Variants in BOP1 observed in about 807,000 individuals in gnomAD.
BOP1 encodes the protein BOP1 ribosomal biogenesis factor, also known as ribosome biogenesis protein BOP1.
BOP1 carries 54 observed loss-of-function variants against 82.9 expected under a neutral mutation model. The observed-to-expected ratio is 0.65, with a 90% CI of 0.52 to 0.82. BOP1 has a LOEUF of 0.82. BOP1 is among the 40% of genes least tolerant of loss of function. The pLI, the probability that BOP1 is intolerant of heterozygous loss-of-function variation, is 0.00. For synonymous variants in BOP1, 566 were observed against 451.1 expected, an observed-to-expected ratio of 1.25 and a Z score of -3.23; for missense variants, 1,170 against 1,072.0, an observed-to-expected ratio of 1.09 and a Z score of -1.28.
chr8:144,273,858 G>T (rs1302860602), intron 3 of BOP1, among the ~76,000 whole-genome samples: 1 of 151,982 alleles, frequency 6.6e-6, no homozygotes, highest in Non-Finnish European at 1.5e-5. Context: ...GGCTCCGCCC[G>T]CCTCCCTCCG....
At position 144,262,313 on chromosome 8, in the gene BOP1, G is replaced by T; in HGVS notation, c.2092C>A (p.Leu698Ile). 6.2e-7 allele frequency: 1 copy of T among 1,612,892 alleles called. No individual in the cohort carries two copies. The highest frequency in any genetic ancestry group is 8.5e-7 in the Non-Finnish European group (1 of 1,179,834). ...GGCACCAGCAAGGGGTTCTGCAGAAGGTCACTGTGGGGACGAGGAGGGCTC... is the reference window on the plus strand; with the variant it reads ...GGCACCAGCAAGGGGTTCTGCAGAATGTCACTGTGGGGACGAGGAGGGCTC... ...IVCHGMVYND[L>I]LQNPLLVPVK... Residue 698 changes from leucine (L) to isoleucine (I), a missense_variant, in exon 16 of 16, where the codon CTT (leucine) becomes ATT (isoleucine). Physicochemically the swap from Leu to Ile is conservative, Grantham distance 5 (BLOSUM62 2). Coordinates refer to ENST00000569669, the MANE Select transcript of BOP1 (RefSeq NM_015201.5).
chr8:144,264,625 G>A lies in BOP1; in HGVS notation c.664-9C>T. On this transcript the variant is annotated splice_polypyrimidine_tract_variant and intron_variant, in intron 5 of 15. Coordinates refer to ENST00000569669, the MANE Select transcript of BOP1 (RefSeq NM_015201.5). ...AAGAAGTCGACAGCCGGCTGGGGGA[G>A]AAGATGTGGGCGTGTGGGCCAGAGT... 1 of 1,587,758 alleles carries A rather than the reference G, an allele frequency of 6.3e-7. No individual in the cohort carries two copies.
Position 144,291,051 on chromosome 8 carries a change from C to A in BOP1, c.99+221G>T, listed in dbSNP as rs554054506. On this transcript the variant is annotated intron_variant, in intron 1 of 15. Coordinates refer to ENST00000569669, the MANE Select transcript of BOP1 (RefSeq NM_015201.5). This position sits in a 1 kb window ranked among gnomAD's most constrained non-coding sequence, Gnocchi z 4.1. Reference sequence around the variant, plus strand: ...TGCTGCAAGGGGCGCCCCGTCCCCACTCCCCGCTCCCCCGTTTCTTTGCTT... The same window carrying A: ...TGCTGCAAGGGGCGCCCCGTCCCCAATCCCCGCTCCCCCGTTTCTTTGCTT... Among the ~76,000 whole-genome samples, 1,414 of 152,198 alleles carry A rather than the reference C, an allele frequency of 9.3e-3. 29 individuals are homozygous for A. Among genetic ancestry groups the A allele is most frequent in the African/African-American group, 0.033 (1,359 of 41,506 alleles).
chr8:144,277,905 AT>A (rs200503938), intron 2 of BOP1, among the ~76,000 whole-genome samples: 2 of 92,296 alleles, frequency 2.2e-5, no homozygotes, highest in Non-Finnish European at 5.5e-5. Flanking sequence ...CATTGAACGT[AT>A]TTTTTTTAAC....
Position 144,264,316 on chromosome 8 carries a change from T to C in BOP1, c.887A>G (p.His296Arg), listed in dbSNP as rs1845306057. Reference sequence around the variant, plus strand: ...CTTGGGAGCAGGTACGTGCATCTTGTGGCGCCCGAGCACGGCGTTGGGGTC... The same window carrying C: ...CTTGGGAGCAGGTACGTGCATCTTGCGGCGCCCGAGCACGGCGTTGGGGTC... Reference protein sequence around the residue: ...QEDPNAVLGRHKMHVPAPKLA... With the variant: ...QEDPNAVLGRRKMHVPAPKLA... Residue 296 changes from histidine to arginine, a missense_variant, in exon 7 of 16, where the codon CAC becomes CGC. Transcript: ENST00000569669. The C allele has an allele frequency of 1.2e-6, 2 of 1,610,368 alleles. No homozygotes were observed. The highest frequency in any genetic ancestry group is 2.7e-5 in the African/African-American group (2 of 74,830).
Position 144,264,735 on chromosome 8 carries a change from A to G in BOP1, c.642T>C (p.Asp214=). The G allele has an allele frequency of 2.5e-6, 4 of 1,582,798 alleles. No individual in the cohort carries two copies. The highest frequency in any genetic ancestry group is 2.6e-6 in the Non-Finnish European group (3 of 1,165,416). The part of the protein sequence containing the change: ...VRRLQSGQFG[D]VGFNPYEPAV... ...CTACCTCATAGGGGTTGAAGCCCAC[A>G]TCCCCAAACTGGCCACTCTGCAGCC... is the stretch of plus-strand genomic sequence containing the variant. Residue 214 remains aspartate, a synonymous_variant, in exon 5 of 16, where the codon GAT becomes GAC. Transcript: ENST00000569669.
At chr8:144,269,252 G>T (rs1417724277) in intron 3 of BOP1, among the ~76,000 whole-genome samples, 1 of 152,254 alleles carries the variant, frequency 6.6e-6, no homozygotes, top group Non-Finnish European at 1.5e-5. Context: ...GAGAGAAGAA[G>T]GGCGGTGCTG....
Position 144,291,337 on chromosome 8 carries a change from C to G in BOP1, c.34G>C (p.Ala12Pro), listed in dbSNP as rs1228160416. 1.2e-5 allele frequency: 17 copies of G among 1,409,982 alleles called. No individual in the cohort carries two copies. Among genetic ancestry groups the G allele is most frequent in the Non-Finnish European group, 1.5e-5 (16 of 1,078,254 alleles). 87.3% of individuals were successfully genotyped at this position (1,409,982 alleles called of 1,614,324 possible). ...CGCTTCTCCGGCCGCACGCTCGGCG[C>G]CGCCGTGCGCCCCGCACCCCGCGAA... The part of the protein sequence containing the change: ...AGSRGAGRTA[A>P]PSVRPEKRRS... The change falls in exon 1 of 16, where the codon GCG becomes CCG. Residue 12 changes from alanine (A) to proline (P), a missense_variant. Ala to Pro is a conservative substitution (Grantham distance 27). Transcript: ENST00000569669. The surrounding 1 kb of genome is among the most constrained non-coding windows in gnomAD (Gnocchi z 4.1).
intron 3 of BOP1, among the ~76,000 whole-genome samples, chr8:144,275,692 G>C (rs931254842): frequency 3.3e-5 from 5 of 152,128 alleles, no homozygotes; most frequent in African/African-American, 9.7e-5. Flanking sequence ...CACCAGGGGT[G>C]GGGGGCAGGG....
In BOP1 at chr8:144,282,908, G is replaced by C. The variant is rs550957019; in HGVS notation, c.309+6187C>G. On this transcript the variant is annotated intron_variant, in intron 2 of 15. Transcript: ENST00000569669. ...CTCGTTGTTGAAAGGCACTATGGTG[G>C]CCAGGTGCGGTGGCTCACGCCTGTA... Among the ~76,000 whole-genome samples the C allele has an allele frequency of 5.3e-5, 8 of 152,154 alleles. No homozygotes were observed. In the South Asian group the frequency reaches 1.7e-3, roughly 32 times the overall value.
At chr8:144,274,308 T>C (rs1201804439) in intron 3 of BOP1, among the ~76,000 whole-genome samples, 2 of 152,134 alleles carry the variant, frequency 1.3e-5, no homozygotes, top group Non-Finnish European at 2.9e-5. Context: ...AGGAGGACCA[T>C]GGTCCTGGTG....
At position 144,291,329 on chromosome 8, in the gene BOP1, G is replaced by C; in HGVS notation, c.42C>G (p.Ser14Arg). 1 of 1,426,096 alleles carries C rather than the reference G, an allele frequency of 7.0e-7. No homozygotes were observed. The allele number at this position is 1,426,096 out of a possible 1,614,324, so 88.3% of individuals were successfully genotyped here. A position where few individuals can be genotyped will look rare whatever the true frequency, so the allele number is the denominator to read the frequency against. The change falls in exon 1 of 16, where the codon AGC becomes AGG. Residue 14 changes from serine to arginine, a missense_variant. Ser to Arg is a moderately radical substitution (Grantham distance 110). Coordinates refer to ENST00000569669, the MANE Select transcript of BOP1 (RefSeq NM_015201.5). The surrounding 1 kb of genome is among the most constrained non-coding windows in gnomAD (Gnocchi z 4.1). ...SRGAGRTAAP[S>R]VRPEKRRSEP... ...CAGACCGCCGCTTCTCCGGCCGCACGCTCGGCGCCGCCGTGCGCCCCGCAC... is the reference window on the plus strand; with the variant it reads ...CAGACCGCCGCTTCTCCGGCCGCACCCTCGGCGCCGCCGTGCGCCCCGCAC...
rs912085538 is a variant in BOP1, at chr8:144,264,686, C to T, written c.663+28G>A. The T allele has an allele frequency of 4.7e-5, 74 of 1,563,860 alleles. No individual in the cohort carries two copies. In the African/African-American group the frequency reaches 8.7e-4, roughly 18 times the overall value. On this transcript the variant is annotated intron_variant, in intron 5 of 15. Transcript: ENST00000569669. ...CTGCTGGTGCCTCCAGGACCCCCGC[C>T]GCCCAGGGGCCAGCCCCTGCCACCT...
intron 2 of BOP1, among the ~76,000 whole-genome samples, chr8:144,283,845 C>T (rs1005059784): frequency 5.3e-5 from 8 of 151,938 alleles, no homozygotes; most frequent in Non-Finnish European, 7.4e-5. Flanking sequence ...TGGCCAGGTG[C>T]GGCGGCTCAC....
intron 2 of BOP1, among the ~76,000 whole-genome samples, chr8:144,282,457 T>A (rs1588605598): frequency 6.6e-6 from 1 of 151,470 alleles, no homozygotes; most frequent in South Asian, 2.1e-4. Flanking sequence ...GGCCCTGGGG[T>A]GAGGCTGGCC....
rs961616127 is a variant in BOP1 at position 144,277,128 on chromosome 8, C to T, written c.310-824G>A. Among the ~76,000 whole-genome samples, 1,299 of 152,332 alleles carry T rather than the reference C, an allele frequency of 8.5e-3. 16 individuals are homozygous for T. Among genetic ancestry groups the T allele is most frequent in the African/African-American group, 0.03 (1,227 of 41,574 alleles). ...CCGTGGGGGCAGTAAAGTGCTCGGG[C>T]GCAGGAACCCCAGAGCGAAGGCGGG... On this transcript the variant is annotated intron_variant, in intron 2 of 15. Coordinates refer to ENST00000569669, the MANE Select transcript of BOP1 (RefSeq NM_015201.5).
At position 144,263,971 on chromosome 8, in the gene BOP1, C is replaced by T; in HGVS notation, c.1140+10G>A. ...CTGTGCCACCCCCCTGGTGTGCCAC[C>T]CCCACACACCCTCATCTTGCGCTGC... On this transcript the variant is annotated intron_variant, in intron 8 of 15. Transcript: ENST00000569669. 9 of 1,610,812 alleles carry T rather than the reference C, an allele frequency of 5.6e-6. No homozygotes were observed. Among genetic ancestry groups the T allele is most frequent in the Non-Finnish European group, 7.6e-6 (9 of 1,179,670 alleles).
chr8:144,289,400 C>T (rs1814972388), intron 1 of BOP1, 96 bp from the exon 2 acceptor site: 23 of 1,314,416 alleles, frequency 1.7e-5, no homozygotes, highest in Non-Finnish European at 2.3e-5. Flanking sequence ...CAGCCACCCA[C>T]CAGCAGCTCC....
chr8:144,274,595 C>T (rs1179552530), intron 3 of BOP1, among the ~76,000 whole-genome samples: 1 of 152,224 alleles, frequency 6.6e-6, no homozygotes, highest in Non-Finnish European at 1.5e-5. Context: ...GCCGGCTGTG[C>T]TGGCAGGAGC....
Sources: allele counts gnomAD v4.1 joint callset (sites outside exome capture counted in the v4.1 genomes callset), GRCh38; gene constraint gnomAD v4.1.1; non-coding constraint Gnocchi (gnomAD v3.1); transcripts MANE v1.5; gene names NCBI Gene and HGNC (gene_info 2026-07-23, HGNC 2026-07-21).